Variants in COL27A1 observed in about 807,000 individuals in gnomAD.
COL27A1 encodes the protein collagen type XXVII alpha 1 chain.
COL27A1 carries 106 observed loss-of-function variants against 251.3 expected under a neutral mutation model. The ratio of observed to expected loss-of-function variants is 0.42; its 90% CI spans 0.36 to 0.50. The LOEUF (loss-of-function observed/expected upper bound fraction) is 0.50, where lower values mean the gene tolerates loss of function less well. Ranked by LOEUF, COL27A1 falls within the 20% of genes least tolerant of loss-of-function variation. The pLI is 0.00. For missense variants in COL27A1, 2,325 were observed against 2,522.8 expected (o/e 0.92, Z 1.68); for synonymous variants, 1,000 against 986.3 (o/e 1.01, Z -0.26).
At chr9:114,278,442 T>G (rs1835665415) in intron 37 of COL27A1, among the ~76,000 whole-genome samples, 2 of 2,436 alleles carry the variant, frequency 8.2e-4, no homozygotes, top group Non-Finnish European at 1.5e-3. Flanking sequence ...ATAATGATGA[T>G]GATGGGGCAC....
intron 1 of COL27A1, among the ~76,000 whole-genome samples, chr9:114,161,709 G>A (rs1848503993): frequency 6.6e-6 from 1 of 152,350 alleles, no homozygotes; most frequent in Middle Eastern, 3.4e-3. Context: ...CCACGTGCCG[G>A]CCTCCCCTCT....
intron 10 of COL27A1, among the ~76,000 whole-genome samples, chr9:114,209,196 C>T (rs979107614): frequency 6.6e-6 from 1 of 152,156 alleles, no homozygotes; most frequent in Non-Finnish European, 1.5e-5. Flanking sequence ...ACTCCGGGTT[C>T]GCAGCCGCTG....
Position 114,309,471 on chromosome 9 carries a change from G to C in COL27A1, c.5429G>C (p.Gly1810Ala). Residue 1810 changes from glycine (G) to alanine (A), a missense_variant, in exon 60 of 61, where the codon GGC becomes GCC. Coordinates refer to ENST00000356083, the MANE Select transcript of COL27A1 (RefSeq NM_032888.4). ...TTCCGGCCCGAGGTGTCCATGGATG[G>C]CTGCAAGGTAACTCTCAGAGCCCCT... ...GQFRPEVSMD[G>A]CKVQDGRWHQ... 6.2e-7 allele frequency: 1 copy of C among 1,613,534 alleles called. No homozygotes were observed. Among genetic ancestry groups the C allele is most frequent in the Non-Finnish European group, 8.5e-7 (1 of 1,179,796 alleles).
intron 3 of COL27A1, among the ~76,000 whole-genome samples, chr9:114,177,593 C>G (rs1827572496): frequency 6.6e-6 from 1 of 152,184 alleles, no homozygotes; most frequent in Admixed American, 6.5e-5. Flanking sequence ...CATTTATCAT[C>G]TCTCATGTCA....
At position 114,265,475 on chromosome 9, in the gene COL27A1, G is replaced by T. The variant is rs140849642; in HGVS notation, c.3393G>T (p.Pro1131=). 1 of 1,613,774 alleles carries T rather than the reference G, an allele frequency of 6.2e-7. No homozygotes were observed. The highest frequency in any genetic ancestry group is 1.7e-5 in the Admixed American group (1 of 60,014). Residue 1131 remains proline (P), a splice_region_variant and synonymous_variant, in exon 32 of 61, where the codon CCG becomes CCT. Transcript: ENST00000356083. ...GCACCAAGGGCCTCCCAGGAGAACC[G>T]GTAAGAGCCCTTTCCTTCCCTCTTC... ...PPGTKGLPGE[P]GPQGPQGPIG... is the part of the protein sequence containing the mutation.
At chr9:114,257,601 G>A (rs1035821855) in intron 27 of COL27A1, among the ~76,000 whole-genome samples, 3 of 151,334 alleles carry the variant, frequency 2.0e-5, no homozygotes, top group Non-Finnish European at 4.4e-5. Context: ...AACCAAGATG[G>A]CTGCCCATTT....
chr9:114,182,529 G>C (rs1051690792), intron 4 of COL27A1, among the ~76,000 whole-genome samples: 3 of 152,022 alleles, frequency 2.0e-5, no homozygotes, highest in African/African-American at 7.2e-5. Context: ...ATGGGCAAAC[G>C]CAACGAGGAG....
intron 27 of COL27A1, 100 bp from the exon 28 acceptor site, chr9:114,258,441 A>G: frequency 8.3e-7 from 1 of 1,201,864 alleles, no homozygotes; most frequent in Non-Finnish European, 1.2e-6. Context: ...TGCCCGTCTG[A>G]GGGCTGCAGG....
At chr9:114,221,923 C>G (rs1831137087) in intron 13 of COL27A1, among the ~76,000 whole-genome samples, 1 of 152,252 alleles carries the variant, frequency 6.6e-6, no homozygotes, top group African/African-American at 2.4e-5. Flanking sequence ...AAGCACCATG[C>G]ACGTCTGTAT....
At chr9:114,307,292 C>A in intron 58 of COL27A1, 1 of 189,248 alleles carries the variant, frequency 5.3e-6, no homozygotes, top group Non-Finnish European at 1.1e-5. Flanking sequence ...CTGACTCCTA[C>A]CCTCCCCCGG....
At chr9:114,159,890 A>G (rs1454210379) in intron 1 of COL27A1, among the ~76,000 whole-genome samples, 1 of 152,194 alleles carries the variant, frequency 6.6e-6, no homozygotes, top group East Asian at 1.9e-4. Flanking sequence ...GGCTCATGCT[A>G]TTGCCATTTG....
At chr9:114,240,701 G>T (rs962200336) in intron 21 of COL27A1, among the ~76,000 whole-genome samples, 2 of 152,176 alleles carry the variant, frequency 1.3e-5, no homozygotes, top group Admixed American at 1.3e-4. Context: ...CACCTGGCAG[G>T]GTGGCTTCCC....
Position 114,169,298 on chromosome 9 carries a change from G to A in COL27A1, c.1743G>A (p.Gln581=). The A allele has an allele frequency of 6.2e-7, 1 of 1,612,680 alleles. No individual in the cohort carries two copies. Among genetic ancestry groups the A allele is most frequent in the East Asian group, 2.2e-5 (1 of 44,854 alleles). The stretch of plus-strand genomic sequence containing the variant: ...CCAGGCCTAGCCCCAGACAGCCCCA[G>A]CCCAGTCAGCAGACCACCCCGGCCC... ...LTTRPSPRQP[Q]PSQQTTPALV... The change falls in exon 3 of 61, where the codon CAG becomes CAA. Residue 581 remains glutamine, a synonymous_variant. Coordinates refer to ENST00000356083, the MANE Select transcript of COL27A1 (RefSeq NM_032888.4).
intron 5 of COL27A1, among the ~76,000 whole-genome samples, chr9:114,186,527 A>G (rs1332956580): frequency 6.6e-6 from 1 of 152,050 alleles, no homozygotes; most frequent in Non-Finnish European, 1.5e-5. Flanking sequence ...GTGCTCGGAG[A>G]CCCCACGATA....
rs1417598438 is a variant in COL27A1, at chr9:114,194,451, G to A, written c.2064G>A (p.Gly688=). Residue 688 remains glycine (G), a synonymous_variant, in exon 6 of 61, where the codon GGG becomes GGA. Coordinates refer to ENST00000356083, the MANE Select transcript of COL27A1 (RefSeq NM_032888.4). The part of the protein sequence containing the change: ...PGLSPGKAHD[G]AKGDMGLPGL... ...TCTCACCAGGAAAGGCCCACGATGGGGCAAAGGTAGGTTTCCAGGGACCCC... is the reference window on the plus strand; with the variant it reads ...TCTCACCAGGAAAGGCCCACGATGGAGCAAAGGTAGGTTTCCAGGGACCCC... The A allele has an allele frequency of 1.2e-6, 2 of 1,612,582 alleles. No individual in the cohort carries two copies. The highest frequency in any genetic ancestry group is 2.2e-5 in the East Asian group (1 of 44,814).
At position 114,240,292 on chromosome 9, in the gene COL27A1, C is replaced by A; in HGVS notation, c.2781+19C>A. 2 of 1,588,660 alleles carry A rather than the reference C, an allele frequency of 1.3e-6. No individual in the cohort carries two copies. Among genetic ancestry groups the A allele is most frequent in the Non-Finnish European group, 1.7e-6 (2 of 1,166,628 alleles). ...CATGAAGGTGAGTACCTGCCCAGGG[C>A]AGCTCCAGTTGGAGGAGCAGACAGC... On this transcript the variant is annotated intron_variant, in intron 20 of 60. Transcript: ENST00000356083.
chr9:114,239,315 C>T (rs1832602309), intron 19 of COL27A1, among the ~76,000 whole-genome samples: 1 of 152,204 alleles, frequency 6.6e-6, no homozygotes, highest in African/African-American at 2.4e-5. Context: ...GTACAGGACC[C>T]AAAATCATTT....
Position 114,211,858 on chromosome 9 carries a change from A to C in COL27A1, c.2367+832A>C, listed in dbSNP as rs1830391010. Among the ~76,000 whole-genome samples the C allele has an allele frequency of 2.0e-5, 3 of 151,954 alleles. No individual in the cohort carries two copies. The South Asian group carries it at 6.2e-4, about 31-fold the overall frequency. On this transcript the variant is annotated intron_variant, in intron 12 of 60. Coordinates refer to ENST00000356083, the MANE Select transcript of COL27A1 (RefSeq NM_032888.4). ...AACTGAGGCTCTGAGAGGCAGAATG[A>C]GATACCAGGGTCCCTCTGCCACTGC...
chr9:114,190,282 G>A (rs1383002085), intron 5 of COL27A1, among the ~76,000 whole-genome samples: 2 of 152,152 alleles, frequency 1.3e-5, no homozygotes, highest in African/African-American at 4.8e-5. Context: ...TCATTTATTT[G>A]TTTGTTTGAG....
Sources: allele counts gnomAD v4.1 joint callset (sites outside exome capture counted in the v4.1 genomes callset), GRCh38; gene constraint gnomAD v4.1.1; transcripts MANE v1.5; gene names NCBI Gene and HGNC (gene_info 2026-07-23, HGNC 2026-07-21).